Variants in HEPHL1 observed in about 807,000 individuals in gnomAD.
HEPHL1 encodes hephaestin like 1.
Under a neutral mutation model 122.0 loss-of-function variants are expected in HEPHL1, and 123 were observed. The observed-to-expected ratio is 1.01, with a 90% CI of 0.87 to 1.17. The LOEUF (loss-of-function observed/expected upper bound fraction) is 1.17. Ranked by LOEUF, HEPHL1 falls within the 50% of genes most tolerant of loss-of-function variation. HEPHL1 has a pLI of 0.00. For missense variants in HEPHL1, 1,452 were observed against 1,430.5 expected (o/e 1.01, Z -0.24); for synonymous variants, 527 against 508.9 (o/e 1.04, Z -0.48).
Position 94,106,146 on chromosome 11 carries a change from G to A in HEPHL1, c.3045+16G>A. The A allele has an allele frequency of 6.6e-7, 1 of 1,523,046 alleles. No homozygotes were observed. The highest frequency in any genetic ancestry group is 8.9e-7 in the Non-Finnish European group (1 of 1,126,826). The allele number at this position is 1,523,046 out of a possible 1,614,324, so 94.3% of individuals were successfully genotyped here. A position where few individuals can be genotyped will look rare whatever the true frequency, so the allele number is the denominator to read the frequency against. On this transcript the variant is annotated intron_variant, in intron 17 of 19. Transcript: ENST00000315765. ...TCTTTTCAAAGTAAGTATAAGGAAA[G>A]TGCTTTGGGAAAGACGTTTTTGAAC...
At chr11:94,069,389 G>A (rs145542164) in intron 5 of HEPHL1, among the ~76,000 whole-genome samples, 3,539 of 152,180 alleles carry the variant, frequency 0.023, 107 homozygotes, top group African/African-American at 0.062. Context: ...TCAAAGTGCT[G>A]GGATTATAGG....
At chr11:94,053,215 CGT>C (rs1945906714) in intron 2 of HEPHL1, among the ~76,000 whole-genome samples, 1 of 151,832 alleles carries the variant, frequency 6.6e-6, no homozygotes, top group Admixed American at 6.6e-5. Flanking sequence ...CCTAGAAATT[CGT>C]GTGTTTCATC....
chr11:94,081,592 TC>T (rs1347376788), intron 9 of HEPHL1, among the ~76,000 whole-genome samples: 1 of 152,178 alleles, frequency 6.6e-6, no homozygotes, highest in Non-Finnish European at 1.5e-5. Flanking sequence ...ATATCCATTG[TC>T]CCCTCACTAT....
Position 94,085,975 on chromosome 11 carries a change from A to T in HEPHL1, c.1868-2A>T. The T allele has an allele frequency of 6.2e-7, 1 of 1,611,042 alleles. No homozygotes were observed. Among genetic ancestry groups the T allele is most frequent in the Non-Finnish European group, 8.5e-7 (1 of 1,177,408 alleles). Reference sequence around the variant, plus strand: ...TTTCACCGTCTTTCTTCTTCCATTTAGCTGTTAACGGCTACATGTATGGCA... The same window carrying T: ...TTTCACCGTCTTTCTTCTTCCATTTTGCTGTTAACGGCTACATGTATGGCA... On this transcript the variant is annotated splice_acceptor_variant, in intron 10 of 19. Transcript: ENST00000315765. LOFTEE classifies it high-confidence loss of function.
At chr11:94,082,667 G>C in intron 10 of HEPHL1, 99 bp downstream of exon 10, 1 of 1,169,126 alleles carries the variant, frequency 8.6e-7, no homozygotes, top group Non-Finnish European at 1.2e-6. Context: ...TGGTTTCTTG[G>C]ATATTGTTCT....
At chr11:94,085,619 C>T (rs1946210341) in intron 10 of HEPHL1, among the ~76,000 whole-genome samples, 1 of 152,084 alleles carries the variant, frequency 6.6e-6, no homozygotes, top group Non-Finnish European at 1.5e-5. Flanking sequence ...GAGGAAGAGA[C>T]ATTTAACAAG....
chr11:94,053,865 C>A (rs1945912399), intron 2 of HEPHL1, among the ~76,000 whole-genome samples: 1 of 152,110 alleles, frequency 6.6e-6, no homozygotes, highest in South Asian at 2.1e-4. Context: ...TTATTTTATG[C>A]CTAGTATGTG....
intron 9 of HEPHL1, among the ~76,000 whole-genome samples, chr11:94,077,932 G>A (rs1946139473): frequency 6.6e-6 from 1 of 152,082 alleles, no homozygotes; most frequent in Non-Finnish European, 1.5e-5. Context: ...CTGATCACCA[G>A]GCTAAGGTCA....
intron 2 of HEPHL1, among the ~76,000 whole-genome samples, chr11:94,052,400 C>T (rs912786998): frequency 1.3e-5 from 2 of 151,630 alleles, no homozygotes; most frequent in African/African-American, 4.9e-5. Context: ...GGATTACTTT[C>T]TTGATTTCTT....
chr11:94,044,821 G>A (rs1945819182), intron 1 of HEPHL1, among the ~76,000 whole-genome samples: 1 of 147,140 alleles, frequency 6.8e-6, no homozygotes, highest in Non-Finnish European at 1.5e-5. Context: ...AGAGTGCAGT[G>A]GTGCGATCTT....
intron 9 of HEPHL1, among the ~76,000 whole-genome samples, chr11:94,082,063 A>G (rs1946174684): frequency 6.6e-6 from 1 of 152,192 alleles, no homozygotes; most frequent in Non-Finnish European, 1.5e-5. Context: ...CTAGGAGGTG[A>G]GTACAGGGAA....
At chr11:94,086,634 T>G (rs928482622) in intron 11 of HEPHL1, among the ~76,000 whole-genome samples, 2 of 152,224 alleles carry the variant, frequency 1.3e-5, no homozygotes, top group Non-Finnish European at 2.9e-5. Flanking sequence ...CTGTAGGTAC[T>G]GATAACAGCC....
chr11:94,041,294 C>T (rs373562086), intron 1 of HEPHL1, among the ~76,000 whole-genome samples: 3 of 148,182 alleles, frequency 2.0e-5, no homozygotes, highest in Non-Finnish European at 3.0e-5. Context: ...AATGGCCATA[C>T]TGCCCAAGGT....
At chr11:94,063,422 C>T (rs1946002463) in intron 2 of HEPHL1, 86 bp from the exon 3 acceptor site, 3 of 1,061,704 alleles carry the variant, frequency 2.8e-6, no homozygotes, top group East Asian at 5.2e-5. Context: ...TGTTTGATTC[C>T]AAAGCTCTGG....
intron 1 of HEPHL1, among the ~76,000 whole-genome samples, chr11:94,025,386 T>C (rs1381611660): frequency 1.3e-5 from 2 of 152,168 alleles, no homozygotes; most frequent in African/African-American, 4.8e-5. Context: ...ATAAAGTCCT[T>C]AATTAAGGTG....
chr11:94,072,998 C>T (rs778982531), intron 6 of HEPHL1, 27 bp from the exon 7 acceptor site: 56 of 1,604,754 alleles, frequency 3.5e-5, no homozygotes, highest in Non-Finnish European at 4.8e-5. Flanking sequence ...GAGAAGTGTC[C>T]TCAATCACAT....
At chr11:94,097,472 G>T (rs1946327391) in intron 13 of HEPHL1, among the ~76,000 whole-genome samples, 2 of 152,194 alleles carry the variant, frequency 1.3e-5, no homozygotes, top group Non-Finnish European at 2.9e-5. Flanking sequence ...GCGATGTGGT[G>T]CTGAGAAGAA....
At chr11:94,102,886 T>G in intron 14 of HEPHL1, 28 bp from the exon 15 acceptor site, 1 of 1,122,746 alleles carries the variant, frequency 8.9e-7, no homozygotes, top group East Asian at 2.3e-5. Context: ...ATAATTCTAA[T>G]AAATTTTTTC....
chr11:94,097,038 A>C (rs1421104270), intron 13 of HEPHL1, among the ~76,000 whole-genome samples: 1 of 151,890 alleles, frequency 6.6e-6, no homozygotes, highest in East Asian at 1.9e-4. Context: ...CTCTGATCTT[A>C]GTTATTTCTT....
Sources: gnomAD v4.1 joint callset for allele counts (sites outside exome capture counted in the v4.1 genomes callset) on GRCh38, gnomAD v4.1.1 for gene constraint, MANE v1.5 for transcripts, NCBI Gene and HGNC (gene_info 2026-07-23, HGNC 2026-07-21) for gene names.